ASXL2: variants seen among roughly 807,000 people sequenced by gnomAD.
ASXL2 encodes putative Polycomb group protein ASXL2.
Under a neutral mutation model 122.0 loss-of-function variants are expected in ASXL2, and 23 were observed. That is an observed-to-expected ratio of 0.19 (90% confidence interval 0.14 to 0.27). ASXL2 has a LOEUF of 0.27. ASXL2 is among the 10% of genes least tolerant of loss of function. The pLI, the probability that ASXL2 is intolerant of heterozygous loss-of-function variation, is 1.00. For missense variants in ASXL2, 1,518 were observed against 1,713.8 expected (o/e 0.89, Z 2.02); for synonymous variants, 650 against 637.0 (o/e 1.02, Z -0.31).
chr2:25,767,453 C>A, intron 8 of ASXL2, 130 bp downstream of exon 8: 1 of 961,796 alleles, frequency 1.0e-6, no homozygotes, highest in Non-Finnish European at 1.5e-6. Flanking sequence ...ACAAAAAAAA[C>A]TTATGTCTAA....
Position 25,741,232 on chromosome 2 carries a change from G to A in ASXL2, c.*797C>T. On this transcript the variant is annotated 3_prime_UTR_variant, in exon 13 of 13. Coordinates refer to ENST00000435504, the MANE Select transcript of ASXL2 (RefSeq NM_018263.6). ...TTTGCTGGAATTGTTGCACTGCACA[G>A]CCTGTAACAACACAGGGGGTCCCAG... is the stretch of plus-strand genomic sequence containing the variant. 4.4e-6 allele frequency: 1 copy of A among 225,982 alleles called. No individual in the cohort carries two copies. The highest frequency in any genetic ancestry group is 8.8e-6 in the Non-Finnish European group (1 of 113,536). 14.0% of individuals were successfully genotyped at this position (225,982 alleles called of 1,614,324 possible).
chr2:25,840,103 G>A (rs1038136271), intron 2 of ASXL2, among the ~76,000 whole-genome samples: 10 of 151,898 alleles, frequency 6.6e-5, no homozygotes, highest in Admixed American at 4.6e-4. Flanking sequence ...ACAGATCCTC[G>A]TGAGGGGAAA....
At chr2:25,755,119 A>G (rs2088111715) in intron 10 of ASXL2, among the ~76,000 whole-genome samples, 1 of 152,244 alleles carries the variant, frequency 6.6e-6, no homozygotes, top group Non-Finnish European at 1.5e-5. Context: ...CGACTTTTCA[A>G]GTGCTATTTT....
At chr2:25,759,211 G>A (rs2088194829) in intron 9 of ASXL2, among the ~76,000 whole-genome samples, 1 of 152,052 alleles carries the variant, frequency 6.6e-6, no homozygotes, top group Non-Finnish European at 1.5e-5. Context: ...CTCCTTGGCT[G>A]CCCAAAGTGC....
intron 1 of ASXL2, among the ~76,000 whole-genome samples, chr2:25,860,492 G>A (rs915868926): frequency 6.6e-6 from 1 of 151,470 alleles, no homozygotes; most frequent in African/African-American, 2.4e-5. Flanking sequence ...AAGGCAGGTG[G>A]ATATGAGGTC....
chr2:25,874,739 T>C (rs1280015177), intron 1 of ASXL2, among the ~76,000 whole-genome samples: 1 of 152,168 alleles, frequency 6.6e-6, no homozygotes, highest in Non-Finnish European at 1.5e-5. Context: ...ACACTATTTG[T>C]CTCTCGCTCA....
intron 1 of ASXL2, among the ~76,000 whole-genome samples, chr2:25,877,755 C>G (rs929671882): frequency 1.3e-5 from 2 of 152,186 alleles, no homozygotes; most frequent in Non-Finnish European, 2.9e-5. Context: ...CTCTCCTTTC[C>G]GGGGCTGGAT....
chr2:25,852,912 G>A (rs879794890), intron 1 of ASXL2, among the ~76,000 whole-genome samples: 10 of 152,218 alleles, frequency 6.6e-5, no homozygotes, highest in South Asian at 6.2e-4. Flanking sequence ...GAAATCAGAT[G>A]TGAGGGGATT....
At chr2:25,800,721 T>C (rs181547183) in intron 4 of ASXL2, among the ~76,000 whole-genome samples, 1 of 152,314 alleles carries the variant, frequency 6.6e-6, no homozygotes, top group African/African-American at 2.4e-5. Flanking sequence ...TAACCTTTCA[T>C]GCTTCAGTTT....
At chr2:25,824,719 T>C (rs2089355670) in intron 3 of ASXL2, among the ~76,000 whole-genome samples, 1 of 152,220 alleles carries the variant, frequency 6.6e-6, no homozygotes, top group Non-Finnish European at 1.5e-5. Context: ...AGCAAAATTA[T>C]GATTCTTAAT....
At position 25,742,363 on chromosome 2, in the gene ASXL2, G is replaced by A; in HGVS notation, c.3974C>T (p.Pro1325Leu). ...GACATTGATCATGCCTCTATAGCTT[G>A]GCCCTATCTGGGTGGGGCTTCCATA... ...KLYGSPTQIGPSYRGMINVST... is the reference protein window; with the variant it reads ...KLYGSPTQIGLSYRGMINVST... Residue 1325 changes from proline (P) to leucine (L), a missense_variant, in exon 13 of 13, where the codon CCA becomes CTA. Transcript: ENST00000435504. 6.2e-7 allele frequency: 1 copy of A among 1,611,980 alleles called. No homozygotes were observed. The highest frequency in any genetic ancestry group is 8.5e-7 in the Non-Finnish European group (1 of 1,179,374).
At chr2:25,851,918 C>T (rs1391783841) in intron 1 of ASXL2, among the ~76,000 whole-genome samples, 1 of 151,864 alleles carries the variant, frequency 6.6e-6, no homozygotes, top group African/African-American at 2.4e-5. Flanking sequence ...AGAAAATGTG[C>T]ATGGATAGAA....
chr2:25,877,552 G>T (rs1056749074), intron 1 of ASXL2, among the ~76,000 whole-genome samples: 1 of 150,510 alleles, frequency 6.6e-6, no homozygotes, highest in African/African-American at 2.5e-5. Context: ...TACGGAAACA[G>T]GAAAAAAAAA....
At chr2:25,751,273 A>G (rs2088040205) in intron 11 of ASXL2, among the ~76,000 whole-genome samples, 1 of 152,206 alleles carries the variant, frequency 6.6e-6, no homozygotes, top group Non-Finnish European at 1.5e-5. Context: ...CAGTCTTTCT[A>G]TAAAAGCTGA....
intron 2 of ASXL2, among the ~76,000 whole-genome samples, chr2:25,840,876 T>C (rs2149190905): frequency 6.6e-6 from 1 of 152,284 alleles, no homozygotes; most frequent in South Asian, 2.1e-4. Flanking sequence ...AGGAAAAATA[T>C]AAAGGGAGTA....
intron 4 of ASXL2, among the ~76,000 whole-genome samples, chr2:25,805,716 C>T (rs1404717721): frequency 6.6e-6 from 1 of 151,998 alleles, no homozygotes; most frequent in African/African-American, 2.4e-5. Flanking sequence ...CACTCTGTCG[C>T]CCAGGCTGGA....
At chr2:25,850,767 C>A (rs539740868) in intron 1 of ASXL2, among the ~76,000 whole-genome samples, 3 of 152,262 alleles carry the variant, frequency 2.0e-5, no homozygotes, top group African/African-American at 4.8e-5. Context: ...GTCTATCGTT[C>A]CTTTTTCATT....
intron 5 of ASXL2, among the ~76,000 whole-genome samples, chr2:25,772,076 G>C (rs2088465233): frequency 6.6e-6 from 1 of 152,186 alleles, no homozygotes; most frequent in South Asian, 2.1e-4. Flanking sequence ...ATTTGAATTT[G>C]CATAAGATGT....
At chr2:25,816,731 T>TA (rs1325293437) in intron 3 of ASXL2, among the ~76,000 whole-genome samples, 1 of 152,200 alleles carries the variant, frequency 6.6e-6, no homozygotes, top group Non-Finnish European at 1.5e-5. Flanking sequence ...TTTGCTTTCT[T>TA]AGCAATACTC....
Sources: gnomAD v4.1 joint callset for allele counts (sites outside exome capture counted in the v4.1 genomes callset) on GRCh38, gnomAD v4.1.1 for gene constraint, MANE v1.5 for transcripts, NCBI Gene and HGNC (gene_info 2026-07-23, HGNC 2026-07-21) for gene names.